Variants in NEMP2 observed in about 807,000 individuals in gnomAD.
The protein encoded by NEMP2 is nuclear envelope integral membrane protein 2.
Under a neutral mutation model 54.2 loss-of-function variants are expected in NEMP2, and 53 were observed. The ratio of observed to expected loss-of-function variants is 0.98; its 90% CI spans 0.78 to 1.23. The LOEUF is 1.23. Among genes scored for constraint, NEMP2 ranks in the 50% most tolerant of loss-of-function variants. The probability of loss-of-function intolerance (pLI) is 0.00; values close to 1 mark genes in which losing one functional copy is unlikely to be tolerated. For synonymous variants in NEMP2, 197 were observed against 190.3 expected, an observed-to-expected ratio of 1.04 and a Z score of -0.29; for missense variants, 455 against 511.3, an observed-to-expected ratio of 0.89 and a Z score of 1.06.
chr2:190,493,301 T>C, the NEMP2 span, among the ~76,000 whole-genome samples: 4 of 152,236 alleles, frequency 2.6e-5, no homozygotes, highest in Non-Finnish European at 4.4e-5. Context: ...CATTATATAA[T>C]GATAAAAGGC....
rs1304817994 is a variant in NEMP2 at position 190,513,419 on chromosome 2, T to C, written c.953+1034A>G. On this transcript the variant is annotated intron_variant, in intron 7 of 8. Transcript: ENST00000409150. The surrounding 1 kb of genome is among the most constrained non-coding windows in gnomAD (Gnocchi z 5.3). ...TTTGTAGAGTTTCCCACAGTCCTCC[T>C]GGTTACTGCTGCCTTACCCCTGCTC... Among the ~76,000 whole-genome samples, 1 of 152,198 alleles carries C rather than the reference T, an allele frequency of 6.6e-6. No individual in the cohort carries two copies. Among genetic ancestry groups the C allele is most frequent in the African/African-American group, 2.4e-5 (1 of 41,444 alleles).
intron 1 of NEMP2, chr2:190,534,006 CATT>C: frequency 1.0e-6 from 1 of 985,140 alleles, no homozygotes; most frequent in African/African-American, 1.7e-5. Flanking sequence ...TGTGAGGCCT[CATT>C]ACCTGCCGCT....
chr2:190,555,217 C>A, the NEMP2 span, among the ~76,000 whole-genome samples: 8 of 152,076 alleles, frequency 5.3e-5, no homozygotes, highest in Non-Finnish European at 7.4e-5. This position sits in a 1 kb window ranked among gnomAD's most constrained non-coding sequence, Gnocchi z 4.8. Flanking sequence ...TGGGGAAAAA[C>A]CAGTGCAAAA....
At chr2:190,437,083 G>A in the NEMP2 span, 40 of 1,614,244 alleles carry the variant, frequency 2.5e-5, no homozygotes, top group African/African-American at 4.0e-5. This position sits in a 1 kb window ranked among gnomAD's most constrained non-coding sequence, Gnocchi z 5.9. Context: ...CACCCACATC[G>A]AAGTGCTCAT....
the NEMP2 span, among the ~76,000 whole-genome samples, chr2:190,613,689 A>T: frequency 6.6e-6 from 1 of 152,140 alleles, no homozygotes; most frequent in African/African-American, 2.4e-5. Flanking sequence ...CCTGGGTTCA[A>T]GCAATTCTCC....
the NEMP2 span, among the ~76,000 whole-genome samples, chr2:190,490,263 T>TA: frequency 3.7e-3 from 538 of 144,016 alleles, 4 homozygotes; most frequent in East Asian, 0.01. The surrounding 1 kb of genome is among the most constrained non-coding windows in gnomAD (Gnocchi z 4.5). Context: ...CTTCATTTGT[T>TA]AAAAAAAAAA....
the NEMP2 span, among the ~76,000 whole-genome samples, chr2:190,600,312 G>C: frequency 6.6e-6 from 1 of 152,202 alleles, no homozygotes; most frequent in Non-Finnish European, 1.5e-5. The surrounding 1 kb of genome is among the most constrained non-coding windows in gnomAD (Gnocchi z 4.9). Flanking sequence ...ACTCAGTAGA[G>C]TAGAGTACAA....
At chr2:190,632,623 T>C in the NEMP2 span, among the ~76,000 whole-genome samples, 1 of 152,230 alleles carries the variant, frequency 6.6e-6, no homozygotes, top group Non-Finnish European at 1.5e-5. The surrounding 1 kb of genome is among the most constrained non-coding windows in gnomAD (Gnocchi z 4.8). Context: ...TGGTCAGGGC[T>C]CCATCCTCAT....
chr2:190,469,756 A>G, the NEMP2 span: 2 of 798,208 alleles, frequency 2.5e-6, no homozygotes, highest in South Asian at 2.8e-5. The surrounding 1 kb of genome is among the most constrained non-coding windows in gnomAD (Gnocchi z 5.3). Context: ...ATTTTTTTTT[A>G]GGGTTCTGTA....
rs1205234206 is a variant in NEMP2 at position 190,513,269 on chromosome 2, A to C, written c.953+1184T>G. Among the ~76,000 whole-genome samples the C allele has an allele frequency of 6.6e-6, 1 of 152,172 alleles. No homozygotes were observed. The highest frequency in any genetic ancestry group is 1.5e-5 in the Non-Finnish European group (1 of 68,040). Reference sequence around the variant, plus strand: ...TAAAAATCCTGAGATTTCACATTCTAATCGTAATTCCCATTTCCAATTTTT... The same window carrying C: ...TAAAAATCCTGAGATTTCACATTCTCATCGTAATTCCCATTTCCAATTTTT... On this transcript the variant is annotated intron_variant, in intron 7 of 8. Coordinates refer to ENST00000409150, the MANE Select transcript of NEMP2 (RefSeq NM_001142645.2). The surrounding 1 kb of genome is among the most constrained non-coding windows in gnomAD (Gnocchi z 5.3).
At chr2:190,471,758 G>A in the NEMP2 span, among the ~76,000 whole-genome samples, 6 of 152,176 alleles carry the variant, frequency 3.9e-5, no homozygotes, top group African/African-American at 9.7e-5. This position sits in a 1 kb window ranked among gnomAD's most constrained non-coding sequence, Gnocchi z 4.7. Context: ...CTCCCAGGAC[G>A]CAGCTTGAGA....
chr2:190,455,528 A>G, the NEMP2 span, among the ~76,000 whole-genome samples: 4 of 152,164 alleles, frequency 2.6e-5, no homozygotes, highest in Non-Finnish European at 5.9e-5. Context: ...GATCTGCACG[A>G]CCCTGGCAAC....
chr2:190,529,906 G>A lies in NEMP2; in HGVS notation c.98-4528C>T, dbSNP rs549343243. On this transcript the variant is annotated intron_variant, in intron 1 of 8. Coordinates refer to ENST00000409150, the MANE Select transcript of NEMP2 (RefSeq NM_001142645.2). This position sits in a 1 kb window ranked among gnomAD's most constrained non-coding sequence, Gnocchi z 4.7. ...ATGAGGGCCAGTCTGGAAGCCACAG[G>A]CTGCACTTCCCCCTTGCCCTACCCC... is the stretch of plus-strand genomic sequence containing the variant. Among the ~76,000 whole-genome samples the A allele has an allele frequency of 6.6e-6, 1 of 152,292 alleles. No homozygotes were observed. The highest frequency in any genetic ancestry group is 2.4e-5 in the African/African-American group (1 of 41,550).
chr2:190,499,775 T>C, downstream of NEMP2: 1 of 1,461,744 alleles, frequency 6.8e-7, no homozygotes, highest in Non-Finnish European at 9.2e-7. The surrounding 1 kb of genome is among the most constrained non-coding windows in gnomAD (Gnocchi z 6.0). Flanking sequence ...GTAATGTTCC[T>C]TTTTCCACAA....
chr2:190,623,845 C>T, the NEMP2 span, among the ~76,000 whole-genome samples: 1 of 152,080 alleles, frequency 6.6e-6, no homozygotes, highest in East Asian at 1.9e-4. Context: ...AAACACAAAA[C>T]CTCTGCAGAG....
At chr2:190,545,271 G>A in the NEMP2 span, among the ~76,000 whole-genome samples, 2 of 152,108 alleles carry the variant, frequency 1.3e-5, no homozygotes, top group African/African-American at 4.8e-5. Flanking sequence ...GATTCCTAAG[G>A]AGCCTCTGCC....
the NEMP2 span, among the ~76,000 whole-genome samples, chr2:190,482,868 C>CTTTTTTT: frequency 6.2e-4 from 30 of 48,270 alleles, 8 homozygotes; most frequent in East Asian, 2.1e-3. Flanking sequence ...AGACTATCAT[C>CTTTTTTT]TTTTTTTTTT....
chr2:190,482,872 T>TG, the NEMP2 span, among the ~76,000 whole-genome samples: 4 of 20,576 alleles, frequency 1.9e-4, no homozygotes, highest in Admixed American at 1.3e-3. Flanking sequence ...TATCATCTTT[T>TG]TTTTTTTTTT....
At chr2:190,541,448 A>G in the NEMP2 span, among the ~76,000 whole-genome samples, 2 of 152,090 alleles carry the variant, frequency 1.3e-5, no homozygotes, top group East Asian at 3.8e-4. The surrounding 1 kb of genome is among the most constrained non-coding windows in gnomAD (Gnocchi z 5.2). Context: ...CATTTGTTTC[A>G]AGAAATTCTT....
Sources: allele counts gnomAD v4.1 joint callset (sites outside exome capture counted in the v4.1 genomes callset), GRCh38; gene constraint gnomAD v4.1.1; non-coding constraint Gnocchi (gnomAD v3.1); transcripts MANE v1.5; gene names NCBI Gene and HGNC (gene_info 2026-07-23, HGNC 2026-07-21).